The following GRIN2A variants were observed in gnomAD, a reference collection of about 807,000 sequenced individuals.
The protein encoded by GRIN2A is glutamate receptor ionotropic, NMDA 2A.
GRIN2A carries 22 observed loss-of-function variants against 113.4 expected under a neutral mutation model. The ratio of observed to expected loss-of-function variants is 0.19; its 90% confidence interval spans 0.14 to 0.28. The LOEUF is 0.28. Among genes scored for constraint, GRIN2A ranks in the 10% least tolerant of loss-of-function variants. GRIN2A has a pLI of 1.00. For missense variants in GRIN2A, 1,502 were observed against 1,887.0 expected (o/e 0.80, Z 3.78); for synonymous variants, 827 against 738.4 (o/e 1.12, Z -1.94).
intron 2 of GRIN2A, among the ~76,000 whole-genome samples, chr16:10,167,078 A>G (rs2049940088): frequency 6.6e-6 from 1 of 152,034 alleles, no homozygotes. Context: ...TTTAAACTGC[A>G]TGGGGGTTAA....
intron 2 of GRIN2A, among the ~76,000 whole-genome samples, chr16:10,004,621 G>C (rs1429263289): frequency 2.6e-5 from 4 of 152,144 alleles, no homozygotes; most frequent in Non-Finnish European, 5.9e-5. Context: ...TGTAATCCCA[G>C]CATTCCTTGG....
rs114027577 is a variant in GRIN2A, at chr16:10,059,844, T to A, written c.414+120154A>T. ...GATTCGTGAATGAGTTAAGACCCAG[T>A]CAGGGAAACGGAAACCACTCCAGGT... is the stretch of plus-strand genomic sequence containing the variant. On this transcript the variant is annotated intron_variant, in intron 2 of 12. Transcript: ENST00000330684. Among the ~76,000 whole-genome samples, 708 of 152,088 alleles carry A rather than the reference T, an allele frequency of 4.7e-3. 5 individuals carry two copies. Among genetic ancestry groups the A allele is most frequent in the African/African-American group, 0.016 (668 of 41,454 alleles).
intron 2 of GRIN2A, among the ~76,000 whole-genome samples, chr16:10,174,713 A>G (rs1243753745): frequency 6.6e-6 from 1 of 152,188 alleles, no homozygotes; most frequent in Non-Finnish European, 1.5e-5. Flanking sequence ...AGATAGTCAA[A>G]ATAATAGACC....
chr16:9,810,816 C>T (rs1023418476), intron 10 of GRIN2A, among the ~76,000 whole-genome samples: 4 of 152,178 alleles, frequency 2.6e-5, no homozygotes, highest in African/African-American at 9.7e-5. Flanking sequence ...TCACTGGGGA[C>T]ACCTGAAGGT....
At position 9,758,421 on chromosome 16, in the gene GRIN2A, G is replaced by T. The variant is rs1234988905; in HGVS notation, c.*4728C>A. 9.0e-6 allele frequency: 2 copies of T among 221,468 alleles called. No homozygotes were observed. Among genetic ancestry groups the T allele is most frequent in the African/African-American group, 4.5e-5 (2 of 44,648 alleles). The allele number at this position is 221,468 out of a possible 1,614,324, so 13.7% of individuals were successfully genotyped here. Reference sequence around the variant, plus strand: ...ACGCCAACACCCATATTCTACTTAGGCTCTGTCATCCTCCCTACAACTGAG... The same window carrying T: ...ACGCCAACACCCATATTCTACTTAGTCTCTGTCATCCTCCCTACAACTGAG... On this transcript the variant is annotated 3_prime_UTR_variant, in exon 13 of 13. Transcript: ENST00000330684.
chr16:10,102,183 C>T (rs538350189), intron 2 of GRIN2A, among the ~76,000 whole-genome samples: 2 of 152,322 alleles, frequency 1.3e-5, no homozygotes, highest in Admixed American at 1.3e-4. Context: ...ATGTCACCTC[C>T]AGTGTTGGAG....
At chr16:10,150,196 A>C (rs1353432852) in intron 2 of GRIN2A, among the ~76,000 whole-genome samples, 1 of 152,166 alleles carries the variant, frequency 6.6e-6, no homozygotes, top group Non-Finnish European at 1.5e-5. Flanking sequence ...TTATGGAGAA[A>C]CCTTTAAAGT....
At chr16:10,044,525 C>G (rs1482087365) in intron 2 of GRIN2A, among the ~76,000 whole-genome samples, 2 of 151,712 alleles carry the variant, frequency 1.3e-5, no homozygotes, top group East Asian at 3.9e-4. Context: ...CATTCTTCAT[C>G]TAGGCTGTCA....
chr16:10,054,800 C>A (rs1225267914), intron 2 of GRIN2A, among the ~76,000 whole-genome samples: 2 of 151,702 alleles, frequency 1.3e-5, no homozygotes, highest in Non-Finnish European at 2.9e-5. Context: ...GTAAGCCTAC[C>A]ATTTTGGGAG....
At chr16:10,004,475 T>A (rs1186767143) in intron 2 of GRIN2A, among the ~76,000 whole-genome samples, 1 of 152,126 alleles carries the variant, frequency 6.6e-6, no homozygotes, top group Non-Finnish European at 1.5e-5. Context: ...CAGTGTACAT[T>A]TATTCCTTAG....
chr16:10,167,023 C>T (rs1242727212), intron 2 of GRIN2A, among the ~76,000 whole-genome samples: 1 of 152,134 alleles, frequency 6.6e-6, no homozygotes, highest in Non-Finnish European at 1.5e-5. Context: ...GGCTTCTGAT[C>T]AACAGTGGGC....
intron 2 of GRIN2A, among the ~76,000 whole-genome samples, chr16:10,015,369 A>T (rs1425962008): frequency 6.6e-6 from 1 of 151,990 alleles, no homozygotes; most frequent in Admixed American, 6.6e-5. Context: ...GAAGAAAAAG[A>T]CTTGAAAGAT....
intron 10 of GRIN2A, among the ~76,000 whole-genome samples, chr16:9,799,206 C>T (rs1903201961): frequency 1.3e-5 from 2 of 152,202 alleles, no homozygotes; most frequent in South Asian, 4.1e-4. Context: ...TATGGGGCTG[C>T]ACTGTGTCCA....
At chr16:9,827,703 A>G (rs187204644) in intron 9 of GRIN2A, among the ~76,000 whole-genome samples, 31 of 152,328 alleles carry the variant, frequency 2.0e-4, no homozygotes, top group African/African-American at 6.0e-4. Flanking sequence ...AGCAAAGCAC[A>G]GAAAGGTGGG....
At chr16:9,818,629 A>G (rs2042227791) in intron 10 of GRIN2A, among the ~76,000 whole-genome samples, 1 of 152,182 alleles carries the variant, frequency 6.6e-6, no homozygotes, top group African/African-American at 2.4e-5. Context: ...TAATAAAAGT[A>G]AAAAAGGAAT....
At chr16:9,808,164 T>C (rs2042018289) in intron 10 of GRIN2A, among the ~76,000 whole-genome samples, 1 of 152,242 alleles carries the variant, frequency 6.6e-6, no homozygotes, top group Non-Finnish European at 1.5e-5. Flanking sequence ...TTCAGACTTT[T>C]CTTGAACATT....
chr16:9,997,332 T>C (rs1467486721), intron 2 of GRIN2A, among the ~76,000 whole-genome samples: 3 of 152,200 alleles, frequency 2.0e-5, no homozygotes, highest in East Asian at 1.9e-4. Flanking sequence ...GGTACAGTAA[T>C]GGTGTGATGA....
chr16:9,798,047 C>T (rs755254930), intron 11 of GRIN2A, among the ~76,000 whole-genome samples: 4 of 152,188 alleles, frequency 2.6e-5, no homozygotes, highest in African/African-American at 9.7e-5. Context: ...CCTAAATCCC[C>T]TGAGAGAGAC....
At chr16:9,868,907 A>G (rs2043208659) in intron 4 of GRIN2A, among the ~76,000 whole-genome samples, 1 of 152,050 alleles carries the variant, frequency 6.6e-6, no homozygotes, top group African/African-American at 2.4e-5. Context: ...GCACTCTCCT[A>G]TGTGTCCTTC....
Sources: gnomAD v4.1 joint callset for allele counts (sites outside exome capture counted in the v4.1 genomes callset) on GRCh38, gnomAD v4.1.1 for gene constraint, MANE v1.5 for transcripts, NCBI Gene and HGNC (gene_info 2026-07-23, HGNC 2026-07-21) for gene names.